Variants in ATP1B3 observed in about 807,000 individuals in gnomAD.
ATP1B3 encodes the protein ATPase Na+/K+ transporting subunit beta 3.
Under a neutral mutation model 30.2 loss-of-function variants are expected in ATP1B3, and 10 were observed. The observed-to-expected ratio is 0.33, with a 90% CI of 0.20 to 0.56. The LOEUF is 0.56. Ranked by LOEUF, ATP1B3 falls within the 20% of genes least tolerant of loss-of-function variation. The pLI, the probability that ATP1B3 is intolerant of heterozygous loss-of-function variation, is 0.90. For synonymous variants in ATP1B3, 113 were observed against 117.0 expected, an observed-to-expected ratio of 0.97 and a Z score of 0.22; for missense variants, 238 against 336.7, an observed-to-expected ratio of 0.71 and a Z score of 2.29.
Position 141,878,356 on chromosome 3 carries a change from C to G in ATP1B3, c.109+1446C>G, listed in dbSNP as rs112279069. Among the ~76,000 whole-genome samples, 1,347 of 152,278 alleles carry G rather than the reference C, an allele frequency of 8.8e-3. 24 individuals carry two copies. The highest frequency in any genetic ancestry group is 0.03 in the African/African-American group (1,267 of 41,548). On this transcript the variant is annotated intron_variant, in intron 1 of 6. Transcript: ENST00000286371. ...TGTGATGAAGAAATAAATCTTGCAT[C>G]CAGACTTACATGGGAACAAAAGATG... is the stretch of plus-strand genomic sequence containing the variant.
intron 1 of ATP1B3, among the ~76,000 whole-genome samples, chr3:141,891,643 T>C (rs1319388319): frequency 1.3e-5 from 2 of 152,286 alleles, no homozygotes; most frequent in East Asian, 3.9e-4. Context: ...CTTAAATCTC[T>C]CCTACTTTCT....
intron 1 of ATP1B3, among the ~76,000 whole-genome samples, chr3:141,893,785 A>G (rs1934005982): frequency 6.6e-6 from 1 of 152,172 alleles, no homozygotes; most frequent in South Asian, 2.1e-4. Context: ...GGCACTTTGT[A>G]ACCCATCTCT....
chr3:141,923,661 T>G (rs898313682), intron 6 of ATP1B3, among the ~76,000 whole-genome samples: 1 of 152,246 alleles, frequency 6.6e-6, no homozygotes, highest in Non-Finnish European at 1.5e-5. Flanking sequence ...ATTGTTCCAG[T>G]AATACTCTTT....
intron 1 of ATP1B3, among the ~76,000 whole-genome samples, chr3:141,900,880 T>C (rs1173425232): frequency 6.6e-6 from 1 of 152,156 alleles, no homozygotes; most frequent in Non-Finnish European, 1.5e-5. Flanking sequence ...CCTCCTGGGT[T>C]CAAGCAATTC....
At chr3:141,885,479 G>A (rs137938855) in intron 1 of ATP1B3, among the ~76,000 whole-genome samples, 3,138 of 150,822 alleles carry the variant, frequency 0.021, 111 homozygotes, top group African/African-American at 0.071. Context: ...ATGGAGTTTC[G>A]CTCTTGTTGC....
At position 141,879,639 on chromosome 3, in the gene ATP1B3, T is replaced by C. The variant is rs1577954017; in HGVS notation, c.109+2729T>C. On this transcript the variant is annotated intron_variant, in intron 1 of 6. Coordinates refer to ENST00000286371, the MANE Select transcript of ATP1B3 (RefSeq NM_001679.4). ...ATGAAAAAAAAAAAAATTAGCCGGGTGTGGTGGCACCTGCCTGTAATCACA... is the reference window on the plus strand; with the variant it reads ...ATGAAAAAAAAAAAAATTAGCCGGGCGTGGTGGCACCTGCCTGTAATCACA... Among the ~76,000 whole-genome samples the C allele has an allele frequency of 2.0e-5, 3 of 150,274 alleles. No individual in the cohort carries two copies. In the South Asian group the frequency reaches 6.3e-4, roughly 32 times the overall value.
At chr3:141,888,040 G>C (rs761078391) in intron 1 of ATP1B3, among the ~76,000 whole-genome samples, 2 of 152,208 alleles carry the variant, frequency 1.3e-5, no homozygotes, top group African/African-American at 4.8e-5. Context: ...GGAGATTTGT[G>C]TATTTCACTG....
chr3:141,918,508 G>A (rs1263532363), intron 5 of ATP1B3, among the ~76,000 whole-genome samples: 1 of 151,084 alleles, frequency 6.6e-6, no homozygotes, highest in African/African-American at 2.4e-5. Flanking sequence ...GCAGTGGTGC[G>A]ATCTCAGCTC....
chr3:141,922,007 C>G lies in ATP1B3; in HGVS notation c.613C>G (p.Pro205Ala). ...NEDIPNVAVYPHNGMIDLKYF... is the reference protein window; with the variant it reads ...NEDIPNVAVYAHNGMIDLKYF... Reference sequence around the variant, plus strand: ...AGATATACCAAATGTAGCAGTTTATCCTCATAATGGAATGATAGACTTAAA... The same window carrying G: ...AGATATACCAAATGTAGCAGTTTATGCTCATAATGGAATGATAGACTTAAA... The change falls in exon 6 of 7, where the codon CCT (proline) becomes GCT (alanine). Residue 205 changes from proline (P) to alanine (A), a missense_variant. This residue lies in a region of ATP1B3 where 58 missense variants were observed against 125.6 expected (regional missense o/e 0.46). Transcript: ENST00000286371. 6.4e-7 allele frequency: 1 copy of G among 1,550,872 alleles called. No homozygotes were observed. Among genetic ancestry groups the G allele is most frequent in the Non-Finnish European group, 8.8e-7 (1 of 1,139,734 alleles).
chr3:141,915,557 C>T (rs1164447697), intron 4 of ATP1B3, among the ~76,000 whole-genome samples: 4 of 152,098 alleles, frequency 2.6e-5, no homozygotes, highest in Non-Finnish European at 5.9e-5. Flanking sequence ...CATGGAAACA[C>T]GGAGAGTGTG....
intron 1 of ATP1B3, chr3:141,877,418 C>G (rs539737797): frequency 6.6e-6 from 1 of 152,328 alleles, no homozygotes; most frequent in African/African-American, 2.4e-5. Context: ...CTCGTCCACG[C>G]TGCCACCCCG....
At chr3:141,885,925 C>CACACA in intron 1 of ATP1B3, among the ~76,000 whole-genome samples, 1 of 133,012 alleles carries the variant, frequency 7.5e-6, no homozygotes, top group Non-Finnish European at 1.7e-5. Context: ...ACACACACAC[C>CACACA]CCTGTAGTGT....
rs1451191447 is a variant in ATP1B3 at position 141,889,776 on chromosome 3, C to T, written c.109+12866C>T. On this transcript the variant is annotated intron_variant, in intron 1 of 6. Transcript: ENST00000286371. ...ATATATACACACACACACACACACA[C>T]ACACACACACACACACACACGTATA... 4.0e-3 allele frequency among the ~76,000 whole-genome samples: 565 copies of T among 140,392 alleles called. 18 individuals carry two copies. The highest frequency in any genetic ancestry group is 0.011 in the African/African-American group (405 of 36,852). 92.1% of individuals were successfully genotyped at this position (140,392 alleles called of 152,430 possible).
At chr3:141,889,744 A>ATAT (rs1329331021) in intron 1 of ATP1B3, among the ~76,000 whole-genome samples, 19 of 98,498 alleles carry the variant, frequency 1.9e-4, no homozygotes, top group South Asian at 1.2e-3. Context: ...AAAAAAAAAA[A>ATAT]AAAAAAATAT....
At chr3:141,881,850 G>T (rs1434733905) in intron 1 of ATP1B3, among the ~76,000 whole-genome samples, 1 of 152,172 alleles carries the variant, frequency 6.6e-6, no homozygotes, top group African/African-American at 2.4e-5. Context: ...GGTACATGTG[G>T]TGACAGCAGC....
At chr3:141,899,815 G>C (rs1934129069) in intron 1 of ATP1B3, among the ~76,000 whole-genome samples, 7 of 152,144 alleles carry the variant, frequency 4.6e-5, no homozygotes, top group Admixed American at 4.6e-4. Context: ...GTTGTGGTGA[G>C]CTGAGATCAC....
At chr3:141,903,575 C>T (rs949652436) in intron 1 of ATP1B3, 45 bp from the exon 2 acceptor site, 5 of 1,608,356 alleles carry the variant, frequency 3.1e-6, no homozygotes, top group African/African-American at 2.7e-5. Flanking sequence ...TGCATACACA[C>T]ACACACGCAC....
intron 6 of ATP1B3, among the ~76,000 whole-genome samples, chr3:141,922,703 C>G (rs1041983052): frequency 3.9e-5 from 6 of 152,060 alleles, no homozygotes. Context: ...CGCAGTGGCT[C>G]ACCTGTAATC....
At chr3:141,890,180 C>A (rs1933918469) in intron 1 of ATP1B3, among the ~76,000 whole-genome samples, 2 of 142,774 alleles carry the variant, frequency 1.4e-5, no homozygotes, top group Admixed American at 7.2e-5. Flanking sequence ...GCCTCCTAGG[C>A]TCAAGCGATC....
Sources: gnomAD v4.1 joint callset for allele counts (sites outside exome capture counted in the v4.1 genomes callset) on GRCh38, gnomAD v4.1.1 for gene constraint, gnomAD v4.1.1 regional missense constraint, MANE v1.5 for transcripts, NCBI Gene and HGNC (gene_info 2026-07-23, HGNC 2026-07-21) for gene names.